ENOX1: variants seen among roughly 807,000 people sequenced by gnomAD.
ENOX1 encodes the protein candidate growth-related and time keeping constitutive hydroquinone (NADH) oxidase.
ENOX1 carries 42 observed loss-of-function variants against 82.5 expected under a neutral mutation model. That is an observed-to-expected ratio of 0.51 (90% CI 0.40 to 0.66). The LOEUF (loss-of-function observed/expected upper bound fraction) is 0.66, where lower values mean the gene tolerates loss of function less well. Among genes scored for constraint, ENOX1 ranks in the 30% least tolerant of loss-of-function variants. ENOX1 has a pLI of 0.00. For missense variants in ENOX1, 608 were observed against 811.6 expected (o/e 0.75, Z 3.05); for synonymous variants, 271 against 282.2 (o/e 0.96, Z 0.40).
At chr13:43,255,986 G>C (rs564154911) in intron 14 of ENOX1, among the ~76,000 whole-genome samples, 1 of 152,236 alleles carries the variant, frequency 6.6e-6, no homozygotes, top group Admixed American at 6.5e-5. Flanking sequence ...GTTAAGAGTA[G>C]AGAACCTAGA....
At chr13:43,586,256 G>A (rs2080977883) in intron 2 of ENOX1, among the ~76,000 whole-genome samples, 2 of 152,152 alleles carry the variant, frequency 1.3e-5, no homozygotes, top group Admixed American at 1.3e-4. Flanking sequence ...CAAGACAAAT[G>A]GCTTGCCATT....
At chr13:43,285,189 C>T (rs1246317546) in intron 12 of ENOX1, among the ~76,000 whole-genome samples, 1 of 152,154 alleles carries the variant, frequency 6.6e-6, no homozygotes, top group Admixed American at 6.5e-5. Flanking sequence ...CATCTAACAT[C>T]TTGGAACTGA....
intron 5 of ENOX1, among the ~76,000 whole-genome samples, chr13:43,381,740 T>C (rs193139709): frequency 9.2e-5 from 14 of 151,992 alleles, no homozygotes; most frequent in African/African-American, 3.4e-4. Flanking sequence ...ATTACAAAAA[T>C]TGTATGTCAA....
intron 1 of ENOX1, among the ~76,000 whole-genome samples, chr13:43,771,727 A>C (rs1359573464): frequency 6.6e-6 from 1 of 152,082 alleles, no homozygotes; most frequent in East Asian, 1.9e-4. Flanking sequence ...AAAGTTCTCA[A>C]AAACTCTGGC....
At chr13:43,390,411 T>C (rs1243037602) in intron 5 of ENOX1, among the ~76,000 whole-genome samples, 1 of 152,166 alleles carries the variant, frequency 6.6e-6, no homozygotes, top group Non-Finnish European at 1.5e-5. Flanking sequence ...TGCAAAAATT[T>C]AGTAAGTTTA....
intron 2 of ENOX1, among the ~76,000 whole-genome samples, chr13:43,533,859 T>C (rs1038750608): frequency 7.2e-5 from 11 of 152,186 alleles, no homozygotes; most frequent in Admixed American, 2.0e-4. Context: ...TTTTCATTGT[T>C]ATGGAGGCGT....
At chr13:43,670,486 A>G (rs1399205789) in intron 1 of ENOX1, among the ~76,000 whole-genome samples, 1 of 152,190 alleles carries the variant, frequency 6.6e-6, no homozygotes, top group African/African-American at 2.4e-5. Flanking sequence ...TATTTGCTGA[A>G]TGAATGAGTT....
In ENOX1 at chr13:43,488,075, G is replaced by A. The variant is rs74063868; in HGVS notation, c.-218-3923C>T. ...GACCCATACAATATTGTACTGAACA[G>A]AGGAGCTAAAAGCCCACAGTGGCTT... On this transcript the variant is annotated intron_variant, in intron 2 of 16. Coordinates refer to ENST00000690772, the MANE Select transcript of ENOX1 (RefSeq NM_001347969.2). Among the ~76,000 whole-genome samples the A allele has an allele frequency of 7.0e-3, 1,062 of 152,284 alleles. 10 individuals carry two copies. Among genetic ancestry groups the A allele is most frequent in the African/African-American group, 0.022 (925 of 41,570 alleles).
At chr13:43,705,610 G>A (rs1415143025) in intron 1 of ENOX1, among the ~76,000 whole-genome samples, 2 of 151,914 alleles carry the variant, frequency 1.3e-5, no homozygotes, top group African/African-American at 4.8e-5. Context: ...TGACAAGGGG[G>A]TGTTACTATA....
intron 9 of ENOX1, among the ~76,000 whole-genome samples, chr13:43,338,371 T>C (rs1377385107): frequency 6.6e-6 from 1 of 152,158 alleles, no homozygotes; most frequent in Non-Finnish European, 1.5e-5. Context: ...TTGGAAAACC[T>C]GGGGAAGTTT....
chr13:43,540,639 G>A (rs2078665363), intron 2 of ENOX1, among the ~76,000 whole-genome samples: 1 of 152,174 alleles, frequency 6.6e-6, no homozygotes, highest in Admixed American at 6.5e-5. Context: ...AGATGGCTAT[G>A]AGCTAGGTCC....
chr13:43,399,287 G>A (rs1207092379), intron 5 of ENOX1, among the ~76,000 whole-genome samples: 1 of 152,082 alleles, frequency 6.6e-6, no homozygotes, highest in African/African-American at 2.4e-5. Context: ...ACTGTGTGGG[G>A]GTGAGCAGCT....
intron 3 of ENOX1, among the ~76,000 whole-genome samples, chr13:43,456,201 A>T (rs879406013): frequency 6.6e-6 from 1 of 151,938 alleles, no homozygotes; most frequent in African/African-American, 2.4e-5. Context: ...GCTTCCTGAA[A>T]TATCTATATC....
At chr13:43,629,065 T>C (rs2083093516) in intron 2 of ENOX1, among the ~76,000 whole-genome samples, 1 of 152,134 alleles carries the variant, frequency 6.6e-6, no homozygotes, top group African/African-American at 2.4e-5. Context: ...GCAGCATGAA[T>C]GAGGAGAGGG....
At chr13:43,366,008 G>A (rs2050823470) in intron 5 of ENOX1, among the ~76,000 whole-genome samples, 1 of 152,208 alleles carries the variant, frequency 6.6e-6, no homozygotes. Context: ...CTGCAGAGAA[G>A]CCACGTGATA....
At chr13:43,709,309 A>T (rs1169621609) in intron 1 of ENOX1, among the ~76,000 whole-genome samples, 1 of 152,168 alleles carries the variant, frequency 6.6e-6, no homozygotes. Context: ...AAAATTTTTT[A>T]TGACCATACT....
intron 5 of ENOX1, among the ~76,000 whole-genome samples, chr13:43,380,943 G>GCC: frequency 6.6e-6 from 1 of 151,886 alleles, no homozygotes; most frequent in East Asian, 1.9e-4. Flanking sequence ...TGAAGTAGAT[G>GCC]AATCCACAAT....
intron 2 of ENOX1, among the ~76,000 whole-genome samples, chr13:43,494,345 A>G (rs549151566): frequency 6.6e-5 from 10 of 152,264 alleles, no homozygotes; most frequent in African/African-American, 2.2e-4. Context: ...GGTAAGCTTC[A>G]TGTTCTGTCA....
chr13:43,224,313 A>G (rs2041930718), intron 15 of ENOX1, among the ~76,000 whole-genome samples, 175 bp from the exon 16 acceptor site: 1 of 152,238 alleles, frequency 6.6e-6, no homozygotes, highest in Non-Finnish European at 1.5e-5. Context: ...TAAGAGTAAC[A>G]TGGCAAACAG....
Sources: allele counts gnomAD v4.1 joint callset (sites outside exome capture counted in the v4.1 genomes callset), GRCh38; gene constraint gnomAD v4.1.1; transcripts MANE v1.5; gene names NCBI Gene and HGNC (gene_info 2026-07-23, HGNC 2026-07-21).